RAD51B: variants seen among roughly 807,000 people sequenced by gnomAD.
The protein encoded by RAD51B is DNA repair protein RAD51 homolog 2.
Under a neutral mutation model 42.2 loss-of-function variants are expected in RAD51B, and 38 were observed. The ratio of observed to expected loss-of-function variants is 0.90; its 90% CI spans 0.70 to 1.18. The LOEUF is 1.18. Ranked by LOEUF, RAD51B falls within the 50% of genes most tolerant of loss-of-function variation. RAD51B has a pLI of 0.00. For synonymous variants in RAD51B, 154 were observed against 145.2 expected (o/e 1.06, Z -0.43); for missense variants, 373 against 400.7 (o/e 0.93, Z 0.59).
intron 7 of RAD51B, among the ~76,000 whole-genome samples, chr14:68,095,488 C>T (rs1449453318): frequency 1.3e-5 from 2 of 152,014 alleles, no homozygotes; most frequent in African/African-American, 4.8e-5. Context: ...TCTTTCTTTG[C>T]CAGATATGGA....
intron 8 of RAD51B, among the ~76,000 whole-genome samples, chr14:68,334,454 C>T (rs993650818): frequency 5.7e-4 from 86 of 152,176 alleles, no homozygotes; most frequent in African/African-American, 2.0e-3. Context: ...GGCTGAAGAA[C>T]AGGAGGAGCT....
intron 7 of RAD51B, among the ~76,000 whole-genome samples, chr14:68,291,534 T>C (rs527950999): frequency 3.9e-4 from 60 of 152,326 alleles, no homozygotes; most frequent in African/African-American, 1.4e-3. Context: ...TCTGATAAAA[T>C]GTGTACATGT....
At chr14:68,294,840 T>C (rs1475258897) in intron 8 of RAD51B, among the ~76,000 whole-genome samples, 1 of 152,192 alleles carries the variant, frequency 6.6e-6, no homozygotes, top group Non-Finnish European at 1.5e-5. Context: ...TCCCTGTATG[T>C]TTTCTCTTTG....
At chr14:68,306,005 C>G (rs1178562215) in intron 8 of RAD51B, among the ~76,000 whole-genome samples, 1 of 152,168 alleles carries the variant, frequency 6.6e-6, no homozygotes, top group African/African-American at 2.4e-5. Context: ...GTGGAAGGGC[C>G]GTGTTGGGGA....
chr14:68,532,029 C>A (rs1409698881), intron 10 of RAD51B, among the ~76,000 whole-genome samples: 1 of 152,096 alleles, frequency 6.6e-6, no homozygotes, highest in Non-Finnish European at 1.5e-5. Flanking sequence ...AATATATGTT[C>A]TTTTTTGAAA....
At chr14:68,595,291 T>A (rs1890943137) in exon 11 of RAD51B, 1 of 1,065,334 alleles carries the variant, frequency 9.4e-7, no homozygotes, top group South Asian at 4.6e-5. Context: ...CTAAAGGCAT[T>A]TCGCTTCCTT....
chr14:68,641,366 T>G (rs1315958257), intron 10 of RAD51B, among the ~76,000 whole-genome samples: 1 of 152,206 alleles, frequency 6.6e-6, no homozygotes, highest in Non-Finnish European at 1.5e-5. Flanking sequence ...TTAATCCTTT[T>G]GGATTTTCTA....
chr14:68,671,194 T>C (rs549944256), intron 11 of RAD51B, among the ~76,000 whole-genome samples: 1 of 152,340 alleles, frequency 6.6e-6, no homozygotes, highest in East Asian at 1.9e-4. Context: ...GTCCGTGTGC[T>C]TTGAGACTTA....
chr14:67,901,544 T>A lies in RAD51B; in HGVS notation c.756+14340T>A, dbSNP rs953313407. ...TTACTGTTGAACAATAGACCTCTCC[T>A]TATGCTTTTCTCTTCCAGTCTTTGG... On this transcript the variant is annotated intron_variant, in intron 7 of 10. Coordinates refer to ENST00000471583, the MANE Select transcript of RAD51B (RefSeq NM_133510.4). 3.9e-5 allele frequency among the ~76,000 whole-genome samples: 6 copies of A among 152,318 alleles called. No individual in the cohort carries two copies. The East Asian group carries it at 1.2e-3, about 29-fold the overall frequency.
At chr14:68,075,638 G>A (rs2076820751) in intron 7 of RAD51B, among the ~76,000 whole-genome samples, 1 of 152,208 alleles carries the variant, frequency 6.6e-6, no homozygotes, top group South Asian at 2.1e-4. Flanking sequence ...GGCAGTGACA[G>A]AGGGGCTGGC....
At chr14:68,573,785 G>C (rs139945328) in intron 10 of RAD51B, among the ~76,000 whole-genome samples, 32 of 152,298 alleles carry the variant, frequency 2.1e-4, no homozygotes, top group African/African-American at 7.7e-4. Context: ...ACCTATATCT[G>C]TTCCTGGGCC....
At chr14:68,338,219 G>A (rs750520692) in intron 8 of RAD51B, among the ~76,000 whole-genome samples, 3 of 152,124 alleles carry the variant, frequency 2.0e-5, no homozygotes, top group Non-Finnish European at 2.9e-5. Flanking sequence ...CTTCATAAGA[G>A]ACCAGAGCCT....
At chr14:67,844,518 G>T (rs1456431317) in intron 4 of RAD51B, among the ~76,000 whole-genome samples, 1 of 151,244 alleles carries the variant, frequency 6.6e-6, no homozygotes, top group Non-Finnish European at 1.5e-5. Context: ...GAACCTGGGT[G>T]CTCCTATGTT....
At chr14:68,371,036 C>CAGA (rs2083245919) in intron 8 of RAD51B, among the ~76,000 whole-genome samples, 1 of 26,124 alleles carries the variant, frequency 3.8e-5, no homozygotes, top group Non-Finnish European at 6.1e-5. Context: ...GACTCTGTCT[C>CAGA]AAAAAAAAAA....
At chr14:68,468,556 T>A (rs2086043517) in intron 10 of RAD51B, 1 of 396,626 alleles carries the variant, frequency 2.5e-6, no homozygotes, top group South Asian at 2.1e-5. Flanking sequence ...TCTTTGCAGA[T>A]CCTATGGCAT....
chr14:68,437,473 G>T (rs1266837381), intron 9 of RAD51B, among the ~76,000 whole-genome samples: 2 of 152,096 alleles, frequency 1.3e-5, no homozygotes, highest in African/African-American at 4.8e-5. Context: ...CTTTTTCATT[G>T]TGTCTTTGCC....
intron 8 of RAD51B, among the ~76,000 whole-genome samples, chr14:68,292,832 C>T (rs1428719818): frequency 1.3e-5 from 2 of 152,162 alleles, no homozygotes; most frequent in Non-Finnish European, 1.5e-5. Flanking sequence ...TTAGTGGTGG[C>T]TTTAGGAGGG....
At position 67,868,472 on chromosome 14, in the gene RAD51B, C is replaced by G. The variant is rs2042403190; in HGVS notation, c.452+3333C>G. ...TCTCACTGATTGCTAGCACAGCAGT[C>G]TGAGATCAAACTGCAAGGCGGCAGC... is the stretch of plus-strand genomic sequence containing the variant. On this transcript the variant is annotated intron_variant, in intron 5 of 10. Transcript: ENST00000471583. Among the ~76,000 whole-genome samples the G allele has an allele frequency of 2.6e-5, 4 of 152,252 alleles. No homozygotes were observed. The South Asian group carries it at 8.3e-4, about 31-fold the overall frequency.
At chr14:67,887,888 T>A (rs1433141347) in intron 7 of RAD51B, among the ~76,000 whole-genome samples, 1 of 152,216 alleles carries the variant, frequency 6.6e-6, no homozygotes, top group Non-Finnish European at 1.5e-5. Flanking sequence ...TACACTCCCA[T>A]CTGCAGTGTG....
Sources: allele counts gnomAD v4.1 joint callset (sites outside exome capture counted in the v4.1 genomes callset), GRCh38; gene constraint gnomAD v4.1.1; transcripts MANE v1.5; gene names NCBI Gene and HGNC (gene_info 2026-07-23, HGNC 2026-07-21).